ADAMTSL1: variants seen among roughly 807,000 people sequenced by gnomAD.
ADAMTSL1 encodes the protein ADAMTS-like protein 1.
ADAMTSL1 carries 126 observed loss-of-function variants against 201.8 expected under a neutral mutation model. The ratio of observed to expected loss-of-function variants is 0.62; its 90% confidence interval spans 0.54 to 0.72. ADAMTSL1 has a LOEUF of 0.72. Among genes scored for constraint, ADAMTSL1 ranks in the 30% least tolerant of loss-of-function variants. The pLI is 0.00. For synonymous variants in ADAMTSL1, 1,121 were observed against 903.4 expected (o/e 1.24, Z -4.32); for missense variants, 2,679 against 2,277.8 (o/e 1.18, Z -3.59).
intron 21 of ADAMTSL1, among the ~76,000 whole-genome samples, chr9:18,821,473 C>T (rs1367910168): frequency 6.6e-6 from 1 of 152,130 alleles, no homozygotes; most frequent in Non-Finnish European, 1.5e-5. Context: ...CTGGAAGGAG[C>T]ATACATTAAG....
chr9:18,788,997 A>G (rs1036903989), intron 19 of ADAMTSL1, among the ~76,000 whole-genome samples: 2 of 152,146 alleles, frequency 1.3e-5, no homozygotes, highest in African/African-American at 4.8e-5. Flanking sequence ...TTGCCAACCC[A>G]ACGTGCTACG....
chr9:18,903,236 AAAAGT>A (rs753402801), intron 26 of ADAMTSL1, among the ~76,000 whole-genome samples: 3 of 152,200 alleles, frequency 2.0e-5, no homozygotes, highest in Non-Finnish European at 4.4e-5. Context: ...AGTATTAATC[AAAAGT>A]AAAGTAGACT....
intron 13 of ADAMTSL1, among the ~76,000 whole-genome samples, chr9:18,685,510 G>A (rs1380444851): frequency 6.6e-6 from 1 of 152,186 alleles, no homozygotes. Flanking sequence ...ACAATTGATT[G>A]AAAAATTTCA....
At chr9:18,819,455 C>CAAA (rs11330901) in intron 21 of ADAMTSL1, among the ~76,000 whole-genome samples, 6 of 132,338 alleles carry the variant, frequency 4.5e-5, no homozygotes, top group Admixed American at 7.5e-5. Flanking sequence ...GACTCTGTCT[C>CAAA]AAAAAAAAAA....
intron 1 of ADAMTSL1, among the ~76,000 whole-genome samples, chr9:18,498,222 G>C (rs1822629448): frequency 6.6e-6 from 1 of 151,892 alleles, no homozygotes; most frequent in South Asian, 2.1e-4. Flanking sequence ...TGGGGGTGGG[G>C]GCAGGGAGTG....
intron 1 of ADAMTSL1, among the ~76,000 whole-genome samples, chr9:18,016,800 G>C (rs901357618): frequency 6.6e-6 from 1 of 151,990 alleles, no homozygotes; most frequent in African/African-American, 2.4e-5. Context: ...TGGTCCCTGC[G>C]TTCAGGTGAC....
intron 2 of ADAMTSL1, among the ~76,000 whole-genome samples, chr9:18,395,185 T>C (rs144678951): frequency 6.6e-6 from 1 of 152,194 alleles, no homozygotes; most frequent in South Asian, 2.1e-4. Context: ...CATTATGTCA[T>C]GGAAAAGCAA....
At chr9:18,455,540 T>C (rs1156796072) in intron 2 of ADAMTSL1, among the ~76,000 whole-genome samples, 1 of 152,138 alleles carries the variant, frequency 6.6e-6, no homozygotes, top group Non-Finnish European at 1.5e-5. Context: ...TTTTAATCTT[T>C]AGGACAGCCA....
intron 1 of ADAMTSL1, among the ~76,000 whole-genome samples, chr9:18,118,514 G>T (rs935265841): frequency 1.3e-5 from 2 of 152,176 alleles, no homozygotes; most frequent in Admixed American, 6.5e-5. Flanking sequence ...CTCATGATCT[G>T]ATTGGTATGC....
intron 4 of ADAMTSL1, among the ~76,000 whole-genome samples, chr9:18,598,830 C>T (rs916459030): frequency 6.6e-6 from 1 of 151,180 alleles, no homozygotes; most frequent in Non-Finnish European, 1.5e-5. Flanking sequence ...TTGCCATCAG[C>T]GTTACAAGTG....
intron 1 of ADAMTSL1, among the ~76,000 whole-genome samples, chr9:17,999,166 A>G (rs1045683090): frequency 1.4e-4 from 21 of 152,124 alleles, no homozygotes; most frequent in African/African-American, 4.6e-4. Context: ...GTGATAATGA[A>G]CACAAAGATA....
At chr9:18,481,346 A>T (rs967414108) in intron 1 of ADAMTSL1, among the ~76,000 whole-genome samples, 1 of 152,122 alleles carries the variant, frequency 6.6e-6, no homozygotes, top group Non-Finnish European at 1.5e-5. Flanking sequence ...GGAGTTCGAG[A>T]CCAGCCTGGC....
intron 2 of ADAMTSL1, among the ~76,000 whole-genome samples, chr9:18,257,601 C>T (rs1022905224): frequency 6.6e-6 from 1 of 152,004 alleles, no homozygotes; most frequent in African/African-American, 2.4e-5. Context: ...ATAGTACAGC[C>T]CCTATGAAAA....
rs575459494 is a variant in ADAMTSL1, at chr9:18,559,755, A to T, written c.238-14275A>T. ...TGTAAGTTATATTCCTAGGTATTTT[A>T]TTCTCTTTGTAGCAATTGTGAATGA... On this transcript the variant is annotated intron_variant, in intron 3 of 28. Transcript: ENST00000380548. 4.6e-5 allele frequency among the ~76,000 whole-genome samples: 7 copies of T among 152,154 alleles called. No individual in the cohort carries two copies. The South Asian group carries it at 1.5e-3, about 32-fold the overall frequency.
intron 23 of ADAMTSL1, among the ~76,000 whole-genome samples, chr9:18,878,719 G>C (rs1828330773): frequency 6.6e-6 from 1 of 152,204 alleles, no homozygotes; most frequent in Admixed American, 6.5e-5. Flanking sequence ...ATGTTCCTGT[G>C]GTAGTTCTTG....
intron 17 of ADAMTSL1, among the ~76,000 whole-genome samples, chr9:18,773,622 C>A (rs1309047124): frequency 6.6e-6 from 1 of 152,160 alleles, no homozygotes; most frequent in African/African-American, 2.4e-5. Flanking sequence ...ACCTGAGAAG[C>A]CCCCGAATCA....
chr9:17,933,793 A>G (rs1211458776), intron 1 of ADAMTSL1, among the ~76,000 whole-genome samples: 1 of 152,138 alleles, frequency 6.6e-6, no homozygotes, highest in Non-Finnish European at 1.5e-5. Flanking sequence ...ACAGCAAGGG[A>G]GAAATCCACC....
chr9:17,974,941 T>C (rs538623312), intron 1 of ADAMTSL1, among the ~76,000 whole-genome samples: 11 of 152,184 alleles, frequency 7.2e-5, no homozygotes, highest in African/African-American at 2.6e-4. Flanking sequence ...GGAATCCTCA[T>C]ACATTTTTTC....
intron 15 of ADAMTSL1, among the ~76,000 whole-genome samples, chr9:18,728,373 T>C (rs1286393134): frequency 3.3e-5 from 5 of 152,174 alleles, no homozygotes; most frequent in African/African-American, 1.2e-4. Context: ...GCCTAGACTC[T>C]GGGAAATGTC....
Sources: gnomAD v4.1 joint callset for allele counts (sites outside exome capture counted in the v4.1 genomes callset) on GRCh38, gnomAD v4.1.1 for gene constraint, MANE v1.5 for transcripts, NCBI Gene and HGNC (gene_info 2026-07-23, HGNC 2026-07-21) for gene names.